The following CCDC7 variants were observed in gnomAD, a reference collection of about 807,000 sequenced individuals.
CCDC7 encodes coiled-coil domain containing 7.
A neutral mutation model predicts 196.9 loss-of-function variants in CCDC7; 183 were observed. The observed-to-expected ratio is 0.93, with a 90% CI of 0.82 to 1.05. CCDC7 has a LOEUF of 1.05. Among genes scored for constraint, CCDC7 ranks in the 50% least tolerant of loss-of-function variants. CCDC7 has a pLI of 0.00. For missense variants in CCDC7, 1,540 were observed against 1,482.2 expected, an observed-to-expected ratio of 1.04 and a Z score of -0.64; for synonymous variants, 525 against 484.6, an observed-to-expected ratio of 1.08 and a Z score of -1.10.
intron 24 of CCDC7, among the ~76,000 whole-genome samples, chr10:32,702,326 G>A (rs181312165): frequency 3.3e-5 from 5 of 151,928 alleles, no homozygotes; most frequent in South Asian, 2.1e-4. Context: ...GTAGTTGAGC[G>A]GTTTTGAGTG....
intron 13 of CCDC7, among the ~76,000 whole-genome samples, chr10:32,564,968 C>A (rs891641959): frequency 3.3e-5 from 5 of 152,094 alleles, no homozygotes; most frequent in African/African-American, 9.7e-5. Flanking sequence ...CAGAGCAAGA[C>A]CCTGTCTCTT....
chr10:32,868,875 A>G (rs2094315227), intron 41 of CCDC7, among the ~76,000 whole-genome samples: 1 of 152,006 alleles, frequency 6.6e-6, no homozygotes, highest in Non-Finnish European at 1.5e-5. Flanking sequence ...AGCTTCATCC[A>G]TGTCCCTACA....
intron 18 of CCDC7, among the ~76,000 whole-genome samples, chr10:32,610,347 G>A (rs1453909538): frequency 6.6e-6 from 1 of 152,014 alleles, no homozygotes; most frequent in Non-Finnish European, 1.5e-5. Flanking sequence ...CTCATGATCT[G>A]CCTGCCTCGG....
chr10:32,766,144 T>C (rs2078259027), intron 28 of CCDC7, among the ~76,000 whole-genome samples: 1 of 151,950 alleles, frequency 6.6e-6, no homozygotes, highest in African/African-American at 2.4e-5. Flanking sequence ...CCAAAAAATT[T>C]AGGGGCCTTC....
chr10:32,661,362 A>C (rs2071399429), intron 20 of CCDC7, among the ~76,000 whole-genome samples: 1 of 151,850 alleles, frequency 6.6e-6, no homozygotes, highest in South Asian at 2.1e-4. Flanking sequence ...GAACACTTTT[A>C]CACTGTTGGT....
At chr10:32,728,679 A>G (rs1392274073) in intron 26 of CCDC7, among the ~76,000 whole-genome samples, 1 of 152,180 alleles carries the variant, frequency 6.6e-6, no homozygotes, top group Admixed American at 6.6e-5. Context: ...AATCCTGGAG[A>G]CCAATATAAA....
At chr10:32,817,691 T>C (rs1289275398) in intron 31 of CCDC7, among the ~76,000 whole-genome samples, 1 of 152,202 alleles carries the variant, frequency 6.6e-6, no homozygotes, top group African/African-American at 2.4e-5. Flanking sequence ...TTCAACATTC[T>C]TAAAGAAAAG....
chr10:32,502,381 G>GGCT (rs1424669515), intron 9 of CCDC7, among the ~76,000 whole-genome samples: 3 of 152,066 alleles, frequency 2.0e-5, no homozygotes, highest in African/African-American at 7.2e-5. Context: ...ACCCTCCATG[G>GGCT]GCTGCATCCA....
chr10:32,712,350 GCACCATAGCCTTTACAGATTA>G (rs961831265), intron 25 of CCDC7, among the ~76,000 whole-genome samples: 3 of 152,176 alleles, frequency 2.0e-5, no homozygotes, highest in Non-Finnish European at 4.4e-5. Flanking sequence ...CTGGAATGGA[GCACCATAGCCTTTACAGATTA>G]CACCATAGCC....
intron 13 of CCDC7, among the ~76,000 whole-genome samples, chr10:32,550,559 TATTACATTATG>T: frequency 6.6e-6 from 1 of 152,290 alleles, no homozygotes; most frequent in Admixed American, 6.5e-5. Flanking sequence ...AGATGGCTTT[TATTACATTATG>T]GTATGTCCCT....
intron 13 of CCDC7, among the ~76,000 whole-genome samples, chr10:32,563,986 C>T (rs2056295938): frequency 6.6e-6 from 1 of 152,138 alleles, no homozygotes; most frequent in Admixed American, 6.5e-5. Context: ...AAAAAGTGGG[C>T]CAAGGACATG....
chr10:32,473,933 G>T, intron 7 of CCDC7, 34 bp from the exon 9 acceptor site: 1 of 1,573,282 alleles, frequency 6.4e-7, no homozygotes, highest in Non-Finnish European at 8.6e-7. Context: ...ATTGCCGTTT[G>T]AAGTTTATAG....
exon 27 of CCDC7, chr10:32,728,913 G>A (rs1372426597): frequency 1.2e-6 from 2 of 1,606,410 alleles, no homozygotes; most frequent in Admixed American, 1.7e-5. Context: ...AAATGAAAAT[G>A]TGATTTCTGT....
At chr10:32,842,836 T>C (rs569620285) in intron 33 of CCDC7, among the ~76,000 whole-genome samples, 1 of 152,008 alleles carries the variant, frequency 6.6e-6, no homozygotes, top group East Asian at 1.9e-4. Flanking sequence ...GTGAACTAAC[T>C]CAGGAATGGA....
At chr10:32,494,321 A>T (rs1472719820) in intron 9 of CCDC7, among the ~76,000 whole-genome samples, 1 of 151,178 alleles carries the variant, frequency 6.6e-6, no homozygotes, top group Non-Finnish European at 1.5e-5. Flanking sequence ...TTTGTCAAAG[A>T]TCAGTTGATC....
chr10:32,701,086 C>T (rs188953964), intron 24 of CCDC7, among the ~76,000 whole-genome samples: 3 of 152,140 alleles, frequency 2.0e-5, no homozygotes, highest in Non-Finnish European at 4.4e-5. Context: ...GAACTTCCAA[C>T]ACTATGTTGG....
chr10:32,783,323 A>G (rs1393858945), intron 29 of CCDC7, among the ~76,000 whole-genome samples: 1 of 152,196 alleles, frequency 6.6e-6, no homozygotes, highest in Non-Finnish European at 1.5e-5. Flanking sequence ...AAAAAACTCA[A>G]CTCCATTTAA....
At chr10:32,466,744 G>A (rs1399588980) in intron 5 of CCDC7, among the ~76,000 whole-genome samples, 4 of 152,208 alleles carry the variant, frequency 2.6e-5, no homozygotes, top group Admixed American at 6.5e-5. Context: ...ACACATGTAC[G>A]TGTCTTTATG....
At chr10:32,604,861 A>G (rs892220279) in intron 18 of CCDC7, among the ~76,000 whole-genome samples, 2 of 152,114 alleles carry the variant, frequency 1.3e-5, no homozygotes, top group African/African-American at 2.4e-5. Flanking sequence ...AGATCATGTC[A>G]TCTGTAAAAA....
Sources: gnomAD v4.1 joint callset for allele counts (sites outside exome capture counted in the v4.1 genomes callset) on GRCh38, gnomAD v4.1.1 for gene constraint, MANE v1.5 for transcripts, NCBI Gene and HGNC (gene_info 2026-07-23, HGNC 2026-07-21) for gene names.